Variants in EFEMP1 observed in about 807,000 individuals in gnomAD.
The protein encoded by EFEMP1 is EGF-containing fibulin-like extracellular matrix protein 1.
EFEMP1 carries 18 observed loss-of-function variants against 65.7 expected under a neutral mutation model. The observed-to-expected ratio is 0.27, with a 90% CI of 0.19 to 0.41. The LOEUF is 0.41. Among genes scored for constraint, EFEMP1 ranks in the 10% least tolerant of loss-of-function variants. The probability of loss-of-function intolerance (pLI) is 1.00; values close to 1 mark genes in which losing one functional copy is unlikely to be tolerated. For synonymous variants in EFEMP1, 237 were observed against 219.7 expected, an observed-to-expected ratio of 1.08 and a Z score of -0.70; for missense variants, 469 against 624.8, an observed-to-expected ratio of 0.75 and a Z score of 2.66.
At chr2:55,900,606 C>T (rs1669995286) in intron 5 of EFEMP1, among the ~76,000 whole-genome samples, 2 of 152,054 alleles carry the variant, frequency 1.3e-5, no homozygotes, top group Non-Finnish European at 1.5e-5. Context: ...CCAAAAAAAC[C>T]CAAAACTTTG....
At position 55,922,510 on chromosome 2, in the gene EFEMP1, T is replaced by C. The variant is rs577766699; in HGVS notation, c.-7-63A>G. ...TGCTGCGGGGAAAGTAACAAAACTT[T>C]AGCAGTGAGCACAAGCGAGGAAAGG... is the stretch of plus-strand genomic sequence containing the variant. On this transcript the variant is annotated intron_variant, in intron 2 of 11. Coordinates refer to ENST00000355426, the MANE Select transcript of EFEMP1 (RefSeq NM_001039348.3). This position sits in a 1 kb window ranked among gnomAD's most constrained non-coding sequence, Gnocchi z 5.5. 18 of 1,454,536 alleles carry C rather than the reference T, an allele frequency of 1.2e-5. No homozygotes were observed. The highest frequency in any genetic ancestry group is 8.0e-5 in the South Asian group (7 of 87,620). The allele number at this position is 1,454,536 out of a possible 1,614,324, so 90.1% of individuals were successfully genotyped here. A position where few individuals can be genotyped will look rare whatever the true frequency, so the allele number is the denominator to read the frequency against.
intron 8 of EFEMP1, among the ~76,000 whole-genome samples, chr2:55,875,662 C>T (rs1424617577): frequency 6.6e-6 from 1 of 152,038 alleles, no homozygotes; most frequent in Non-Finnish European, 1.5e-5. Context: ...ACTCTGCAGA[C>T]CCATCCAGGA....
intron 5 of EFEMP1, among the ~76,000 whole-genome samples, chr2:55,889,830 A>AAAT (rs1669566780): frequency 6.6e-6 from 1 of 151,812 alleles, no homozygotes; most frequent in African/African-American, 2.4e-5. Context: ...ATGGTAAAAA[A>AAAT]AAAAAATAAA....
chr2:55,923,689 AC>A lies in EFEMP1; in HGVS notation c.-49+21del, dbSNP rs1354824871. Reference sequence around the variant, plus strand: ...GTGAGTACTGGGCTCGCTCGGGGCGACCCCCCGTTGGGGGCTCCTACCTGTG... The same window carrying A: ...GTGAGTACTGGGCTCGCTCGGGGCGACCCCCGTTGGGGGCTCCTACCTGTG... On this transcript the variant is annotated intron_variant, in intron 1 of 11. Coordinates refer to ENST00000355426, the MANE Select transcript of EFEMP1 (RefSeq NM_001039348.3). This position sits in a 1 kb window ranked among gnomAD's most constrained non-coding sequence, Gnocchi z 5.3. 13 of 983,872 alleles carry A rather than the reference AC, an allele frequency of 1.3e-5. No homozygotes were observed. Among genetic ancestry groups the A allele is most frequent in the Non-Finnish European group, 1.4e-5 (12 of 829,814 alleles). The allele number at this position is 983,872 out of a possible 1,614,324, so 60.9% of individuals were successfully genotyped here.
Position 55,922,442 on chromosome 2 carries a change from G to C in EFEMP1, c.-2C>G. 6.2e-7 allele frequency: 1 copy of C among 1,613,400 alleles called. No homozygotes were observed. The highest frequency in any genetic ancestry group is 1.7e-4 in the Middle Eastern group (1 of 6,050). On this transcript the variant is annotated 5_prime_UTR_variant, in exon 3 of 12. Transcript: ENST00000355426. The surrounding 1 kb of genome is among the most constrained non-coding windows in gnomAD (Gnocchi z 5.5). ...AGTTAGGAAAAGGGCTTTCAACATT[G>C]TGAATCTCAAAGAAAATACAGGACA... is the stretch of plus-strand genomic sequence containing the variant.
rs1418216248 is a variant in EFEMP1, at chr2:55,881,548, G to A, written c.640+64C>T. On this transcript the variant is annotated intron_variant, in intron 6 of 11. Coordinates refer to ENST00000355426, the MANE Select transcript of EFEMP1 (RefSeq NM_001039348.3). Reference sequence around the variant, plus strand: ...GAAACATGAATGCTTTGATTGGAATGCTTGAGGTTGAAACAGTTAAGGTAC... The same window carrying A: ...GAAACATGAATGCTTTGATTGGAATACTTGAGGTTGAAACAGTTAAGGTAC... The A allele has an allele frequency of 5.6e-6, 9 of 1,604,310 alleles. No homozygotes were observed. The Admixed American group carries it at 1.5e-4, about 27-fold the overall frequency.
chr2:55,914,802 C>T lies in EFEMP1; in HGVS notation c.517+2863G>A, dbSNP rs545458597. Among the ~76,000 whole-genome samples the T allele has an allele frequency of 2.6e-5, 4 of 152,234 alleles. No homozygotes were observed. The South Asian group carries it at 8.3e-4, about 32-fold the overall frequency. On this transcript the variant is annotated intron_variant, in intron 5 of 11. Coordinates refer to ENST00000355426, the MANE Select transcript of EFEMP1 (RefSeq NM_001039348.3). ...GCAACATTTAAAAGGGAGTGGAGAT[C>T]TTTATTAAAACAGAAGACTCTTCAA...
chr2:55,869,638 G>C (rs1210519930), intron 11 of EFEMP1, among the ~76,000 whole-genome samples: 1 of 152,068 alleles, frequency 6.6e-6, no homozygotes, highest in Non-Finnish European at 1.5e-5. Flanking sequence ...TCTGTAAACT[G>C]TACCACAAGG....
chr2:55,899,518 A>G lies in EFEMP1; in HGVS notation c.518-17784T>C, dbSNP rs143887444. Among the ~76,000 whole-genome samples the G allele has an allele frequency of 6.3e-3, 959 of 152,354 alleles. 3 individuals are homozygous for G. The highest frequency in any genetic ancestry group is 0.01 in the Non-Finnish European group (689 of 68,036). On this transcript the variant is annotated intron_variant, in intron 5 of 11. Coordinates refer to ENST00000355426, the MANE Select transcript of EFEMP1 (RefSeq NM_001039348.3). The stretch of plus-strand genomic sequence containing the variant: ...ACAATTTGGGCCTAGCAAGGAAAGG[A>G]AAGATGGAGTTCTAAAAACCATCTA...
intron 5 of EFEMP1, among the ~76,000 whole-genome samples, chr2:55,915,027 C>T (rs1054649266): frequency 1.3e-5 from 2 of 152,184 alleles, no homozygotes; most frequent in Admixed American, 6.5e-5. Context: ...AAGTGTGACT[C>T]GACTTATGTT....
intron 6 of EFEMP1, among the ~76,000 whole-genome samples, chr2:55,880,267 T>C (rs1459144919): frequency 6.6e-6 from 1 of 152,172 alleles, no homozygotes; most frequent in Non-Finnish European, 1.5e-5. Flanking sequence ...TGATTAGATC[T>C]GAGTTTAGGA....
At chr2:55,888,873 G>A (rs534195593) in intron 5 of EFEMP1, among the ~76,000 whole-genome samples, 112 of 152,246 alleles carry the variant, frequency 7.4e-4, no homozygotes, top group Middle Eastern at 3.4e-3. Flanking sequence ...TTAAGATCCC[G>A]CCCTATTATG....
In EFEMP1 at chr2:55,917,619, A is replaced by T. The variant is rs564241927; in HGVS notation, c.517+46T>A. 288 of 1,613,550 alleles carry T rather than the reference A, an allele frequency of 1.8e-4. 3 individuals are homozygous for T. The South Asian group carries it at 2.2e-3, about 12-fold the overall frequency. ...TATCATCATCCTCACCACGAGGTGC[A>T]CTTGGGCAAAAGCTTTCAATGGTTA... On this transcript the variant is annotated intron_variant, in intron 5 of 11. Transcript: ENST00000355426. The surrounding 1 kb of genome is among the most constrained non-coding windows in gnomAD (Gnocchi z 6.3).
Position 55,922,381 on chromosome 2 carries a change from G to T in EFEMP1, c.60C>A (p.Thr20=), listed in dbSNP as rs1210541007. The stretch of plus-strand genomic sequence containing the variant: ...TTACCGTGTACGTGATGGTTTCTTC[G>T]GTGTCCTGTGACTTGACCAGCGCCA... ...LTLALVKSQD[T]EETITYTQCT... is the part of the protein sequence containing the mutation. Residue 20 remains threonine (T), a synonymous_variant, in exon 3 of 12, where the codon ACC becomes ACA. Coordinates refer to ENST00000355426, the MANE Select transcript of EFEMP1 (RefSeq NM_001039348.3). The surrounding 1 kb of genome is among the most constrained non-coding windows in gnomAD (Gnocchi z 5.5). The T allele has an allele frequency of 6.2e-7, 1 of 1,613,794 alleles. No homozygotes were observed. The highest frequency in any genetic ancestry group is 1.3e-5 in the African/African-American group (1 of 74,978).
At chr2:55,895,001 C>T (rs1009051942) in intron 5 of EFEMP1, among the ~76,000 whole-genome samples, 1 of 152,220 alleles carries the variant, frequency 6.6e-6, no homozygotes. Context: ...AACTTGAGAA[C>T]TCTGACTGCT....
chr2:55,911,617 G>T (rs1670485656), intron 5 of EFEMP1, among the ~76,000 whole-genome samples: 1 of 152,100 alleles, frequency 6.6e-6, no homozygotes, highest in South Asian at 2.1e-4. Flanking sequence ...GATTCAGTCA[G>T]TCTGGGGTGG....
chr2:55,908,267 A>G (rs1450538606), intron 5 of EFEMP1, among the ~76,000 whole-genome samples: 2 of 152,166 alleles, frequency 1.3e-5, no homozygotes, highest in Non-Finnish European at 2.9e-5. Context: ...ATCTTATTTT[A>G]CAGAAGTTCA....
chr2:55,897,726 C>A (rs1669882353), intron 5 of EFEMP1, among the ~76,000 whole-genome samples: 1 of 152,176 alleles, frequency 6.6e-6, no homozygotes, highest in Admixed American at 6.5e-5. Flanking sequence ...TCTTTCTGTA[C>A]CGCTTTTAAA....
rs149629439 is a variant in EFEMP1, at chr2:55,872,684, T to G, written c.1001-1561A>C. 8.9e-4 allele frequency among the ~76,000 whole-genome samples: 136 copies of G among 152,190 alleles called. No individual in the cohort carries two copies. In the Middle Eastern group the frequency reaches 0.02, roughly 23 times the overall value. ...CAAACTGGCTAAAGTTATCTGGAACTCAAGAACAGACTGGGAAAGCTAGGT... is the reference window on the plus strand; with the variant it reads ...CAAACTGGCTAAAGTTATCTGGAACGCAAGAACAGACTGGGAAAGCTAGGT... On this transcript the variant is annotated intron_variant, in intron 9 of 11. Coordinates refer to ENST00000355426, the MANE Select transcript of EFEMP1 (RefSeq NM_001039348.3).
Sources: allele counts gnomAD v4.1 joint callset (sites outside exome capture counted in the v4.1 genomes callset), GRCh38; gene constraint gnomAD v4.1.1; non-coding constraint Gnocchi (gnomAD v3.1); transcripts MANE v1.5; gene names NCBI Gene and HGNC (gene_info 2026-07-23, HGNC 2026-07-21).